Variants in MAP4K1 observed in about 807,000 individuals in gnomAD.
MAP4K1 encodes mitogen-activated protein kinase kinase kinase kinase 1, also known as MAPK/ERK kinase kinase kinase 1.
A neutral mutation model predicts 122.8 loss-of-function variants in MAP4K1; 35 were observed. The observed-to-expected ratio is 0.29, with a 90% CI of 0.22 to 0.38. The LOEUF is 0.38. Ranked by LOEUF, MAP4K1 falls within the 10% of genes least tolerant of loss-of-function variation. The probability of loss-of-function intolerance (pLI) is 1.00; values close to 1 mark genes in which losing one functional copy is unlikely to be tolerated. For synonymous variants in MAP4K1, 412 were observed against 421.3 expected (o/e 0.98, Z 0.27); for missense variants, 791 against 1,072.6 (o/e 0.74, Z 3.67).
chr19:38,601,065 C>T (rs1975048032), intron 20 of MAP4K1, among the ~76,000 whole-genome samples: 1 of 152,028 alleles, frequency 6.6e-6, no homozygotes, highest in African/African-American at 2.4e-5. Context: ...CTCCGCCTCC[C>T]AAAGTGCTGG....
At position 38,603,345 on chromosome 19, in the gene MAP4K1, TACACATATACATATATAC is replaced by T. The variant is rs1374966230; in HGVS notation, c.1447-1838_1447-1821del. Among the ~76,000 whole-genome samples, 536 of 150,642 alleles carry T rather than the reference TACACATATACATATATAC, an allele frequency of 3.6e-3. 4 individuals are homozygous for T. Among genetic ancestry groups the T allele is most frequent in the African/African-American group, 0.012 (502 of 40,974 alleles). Reference sequence around the variant, plus strand: ...GTACATATATACGCATATACATATATACACATATACATATATACACACATATACATATATACACATGTA... The same window carrying T: ...GTACATATATACGCATATACATATATACACATATACATATATACACATGTA... On this transcript the variant is annotated intron_variant, in intron 19 of 30. Transcript: ENST00000396857.
intron 19 of MAP4K1, among the ~76,000 whole-genome samples, chr19:38,602,546 A>C (rs1207146189): frequency 2.8e-5 from 4 of 143,230 alleles, no homozygotes; most frequent in Non-Finnish European, 6.0e-5. Context: ...ACACATATAC[A>C]TATATATACA....
chr19:38,616,141 G>T lies in MAP4K1; in HGVS notation c.313+54C>A, dbSNP rs181095004. 295 of 1,445,324 alleles carry T rather than the reference G, an allele frequency of 2.0e-4. 1 individual carries two copies. In the East Asian group the frequency reaches 6.3e-3, roughly 31 times the overall value. 89.5% of individuals were successfully genotyped at this position (1,445,324 alleles called of 1,614,324 possible). A position where few individuals can be genotyped will look rare whatever the true frequency, so the allele number is the denominator to read the frequency against. On this transcript the variant is annotated intron_variant, in intron 4 of 30. Coordinates refer to ENST00000396857, the MANE Select transcript of MAP4K1 (RefSeq NM_001042600.3). ...ACGGAAGAGGTGAATTTGGGTCGGGGTTGGGGGGTGGGGATAGGGAGGGGT... is the reference window on the plus strand; with the variant it reads ...ACGGAAGAGGTGAATTTGGGTCGGGTTTGGGGGGTGGGGATAGGGAGGGGT...
chr19:38,617,507 C>T lies in MAP4K1; in HGVS notation c.157+61G>A, dbSNP rs1173102137. On this transcript the variant is annotated intron_variant, in intron 2 of 30. Coordinates refer to ENST00000396857, the MANE Select transcript of MAP4K1 (RefSeq NM_001042600.3). The surrounding 1 kb of genome is among the most constrained non-coding windows in gnomAD (Gnocchi z 4.1). ...GGGAGAGAGCTACAGGGGAGGTGATCCCAGTGTCCCAGGAGGCGAAGGTGG... is the reference window on the plus strand; with the variant it reads ...GGGAGAGAGCTACAGGGGAGGTGATTCCAGTGTCCCAGGAGGCGAAGGTGG... The T allele has an allele frequency of 1.2e-6, 2 of 1,607,162 alleles. No individual in the cohort carries two copies. The highest frequency in any genetic ancestry group is 1.7e-6 in the Non-Finnish European group (2 of 1,174,520).
rs1975686187 is a variant in MAP4K1, at chr19:38,617,548, G to A, written c.157+20C>T. ...GCGAAGGTGGGGATGTGGGGAAGGA[G>A]CTCCATGTTCCCTCCTCACCAGGCT... On this transcript the variant is annotated intron_variant, in intron 2 of 30. Coordinates refer to ENST00000396857, the MANE Select transcript of MAP4K1 (RefSeq NM_001042600.3). The surrounding 1 kb of genome is among the most constrained non-coding windows in gnomAD (Gnocchi z 4.1). 4 of 1,613,832 alleles carry A rather than the reference G, an allele frequency of 2.5e-6. No individual in the cohort carries two copies. Among genetic ancestry groups the A allele is most frequent in the Non-Finnish European group, 3.4e-6 (4 of 1,179,800 alleles).
chr19:38,611,006 C>G (rs1296498663), intron 11 of MAP4K1, 45 bp downstream of exon 11: 2 of 1,522,548 alleles, frequency 1.3e-6, no homozygotes, highest in Non-Finnish European at 1.8e-6. Flanking sequence ...TTGTGGAAGG[C>G]CCCAGGGAAT....
chr19:38,589,345 G>T, intron 30 of MAP4K1: 1 of 234,318 alleles, frequency 4.3e-6, no homozygotes, highest in South Asian at 3.9e-5. Flanking sequence ...AAAACTAGTG[G>T]GTGAAAATCT....
At chr19:38,612,574 C>T (rs1281031935) in intron 9 of MAP4K1, 37 bp downstream of exon 9, 2 of 1,600,626 alleles carry the variant, frequency 1.2e-6, no homozygotes, top group Non-Finnish European at 1.7e-6. Context: ...CAGGGCTAGA[C>T]AGGATCTCTG....
Position 38,609,945 on chromosome 19 carries a change from T to C in MAP4K1, c.891A>G (p.Gly297=), listed in dbSNP as rs750733930. Residue 297 remains glycine, a synonymous_variant, in exon 12 of 31, where the codon GGA becomes GGG. Coordinates refer to ENST00000396857, the MANE Select transcript of MAP4K1 (RefSeq NM_001042600.3). ...CATCCTCAATGTCCCCAATGGAGGG[T>C]CCTTTCCCGGGATTCTTCAGTTTGT... ...LLDKLKNPGK[G]PSIGDIEDEE... 1.2e-6 allele frequency: 2 copies of C among 1,614,164 alleles called. No individual in the cohort carries two copies. Among genetic ancestry groups the C allele is most frequent in the South Asian group, 2.2e-5 (2 of 91,090 alleles).
intron 8 of MAP4K1, among the ~76,000 whole-genome samples, chr19:38,613,063 T>C (rs1975545479): frequency 6.6e-6 from 1 of 151,518 alleles, no homozygotes; most frequent in South Asian, 2.1e-4. Context: ...ATTCCAGCAC[T>C]TTGGGAGGTC....
chr19:38,588,613 T>C (rs1185527995), intron 30 of MAP4K1, among the ~76,000 whole-genome samples: 1 of 133,668 alleles, frequency 7.5e-6, no homozygotes, highest in Non-Finnish European at 1.6e-5. Flanking sequence ...ATTAGCCAGG[T>C]GTGGTGGCAG....
Position 38,596,464 on chromosome 19 carries a change from G to C in MAP4K1, c.1964C>G (p.Thr655Arg), listed in dbSNP as rs1974888934. The change falls in exon 26 of 31, where the codon ACG (threonine) becomes AGG (arginine). Residue 655 changes from threonine to arginine, a missense_variant. Coordinates refer to ENST00000396857, the MANE Select transcript of MAP4K1 (RefSeq NM_001042600.3). ...LVRQVLFPLP[T>R]PLSVFALLTG... The stretch of plus-strand genomic sequence containing the variant: ...CAGCAGCGCGAACACGGACAGAGGC[G>C]TCGGCAGTGGGAACAGCACCTGCTG... 6.4e-7 allele frequency: 1 copy of C among 1,573,588 alleles called. No individual in the cohort carries two copies. The highest frequency in any genetic ancestry group is 8.6e-7 in the Non-Finnish European group (1 of 1,163,426).
chr19:38,614,584 T>C, intron 4 of MAP4K1, 139 bp from the exon 5 acceptor site: 1 of 856,334 alleles, frequency 1.2e-6, no homozygotes. Flanking sequence ...GAGGGGGAGA[T>C]GGTGGGGTGG....
intron 19 of MAP4K1, among the ~76,000 whole-genome samples, chr19:38,604,889 C>G (rs987563671): frequency 6.6e-6 from 1 of 151,664 alleles, no homozygotes; most frequent in Non-Finnish European, 1.5e-5. Context: ...GAGTTCAAGA[C>G]GAGCCTAACC....
chr19:38,609,606 T>C lies in MAP4K1; in HGVS notation c.996A>G (p.Ala332=), dbSNP rs1975433559. ...GGATTCTCTACTCACGACAGCAGTC[T>C]GCATCTGGGATCCCCAGAGAGCTGG... ...HRSSSLGIPD[A]DCCRRHMEFR... Residue 332 remains alanine (A), a synonymous_variant, in exon 13 of 31, where the codon GCA becomes GCG. Coordinates refer to ENST00000396857, the MANE Select transcript of MAP4K1 (RefSeq NM_001042600.3). The C allele has an allele frequency of 1.5e-5, 24 of 1,613,794 alleles. No individual in the cohort carries two copies. The highest frequency in any genetic ancestry group is 2.0e-5 in the Non-Finnish European group (24 of 1,179,876).
chr19:38,614,674 A>G, intron 4 of MAP4K1: 1 of 568,804 alleles, frequency 1.8e-6, no homozygotes, highest in Non-Finnish European at 3.2e-6. Context: ...TAATCCCAGC[A>G]CTTTGGGAGG....
At chr19:38,591,995 G>C (rs1974742625) in intron 30 of MAP4K1, among the ~76,000 whole-genome samples, 2 of 151,472 alleles carry the variant, frequency 1.3e-5, no homozygotes, top group African/African-American at 4.9e-5. Context: ...AATGCAGCCA[G>C]GTGTGGTGGC....
At position 38,587,789 on chromosome 19, in the gene MAP4K1, C is replaced by G. The variant is rs1248760072; in HGVS notation, c.2425G>C (p.Asp809His). 1.2e-6 allele frequency: 2 copies of G among 1,614,126 alleles called. No homozygotes were observed. Among genetic ancestry groups the G allele is most frequent in the South Asian group, 2.2e-5 (2 of 91,074 alleles). ...AGGTTGCTGGGAGCAGTAGGATCAT[C>G]CACTGGGCGTGTCTCCACCACTACA... ...RPVVVETRPV[D>H]DPTAPSNLYI... is the part of the protein sequence containing the mutation. Residue 809 changes from aspartate (D) to histidine (H), a missense_variant, in exon 31 of 31, where the codon GAT becomes CAT. By Grantham distance (81) the Asp-to-His change is moderately conservative. Around this residue, in one of 4 missense-constraint regions of MAP4K1, gnomAD observed 267 missense variants for 323.0 expected, o/e 0.83. Coordinates refer to ENST00000396857, the MANE Select transcript of MAP4K1 (RefSeq NM_001042600.3).
chr19:38,597,000 C>T, intron 25 of MAP4K1, 34 bp downstream of exon 25: 1 of 1,601,898 alleles, frequency 6.2e-7, no homozygotes, highest in Non-Finnish European at 8.6e-7. Flanking sequence ...CCACCCACTC[C>T]TCAGAGTTCC....
Sources: allele counts gnomAD v4.1 joint callset (sites outside exome capture counted in the v4.1 genomes callset), GRCh38; gene constraint gnomAD v4.1.1; regional missense constraint gnomAD v4.1.1; non-coding constraint Gnocchi (gnomAD v3.1); transcripts MANE v1.5; gene names NCBI Gene and HGNC (gene_info 2026-07-23, HGNC 2026-07-21).